POLQ: variants seen among roughly 807,000 people sequenced by gnomAD.
The protein encoded by POLQ is DNA polymerase theta.
Under a neutral mutation model 259.2 loss-of-function variants are expected in POLQ, and 233 were observed. The observed-to-expected ratio is 0.90, with a 90% CI of 0.81 to 1.00. The LOEUF is 1.00. Ranked by LOEUF, POLQ falls within the 50% of genes least tolerant of loss-of-function variation. The probability of loss-of-function intolerance (pLI) is 0.00; values close to 1 mark genes in which losing one functional copy is unlikely to be tolerated. For missense variants in POLQ, 2,871 were observed against 3,051.6 expected (o/e 0.94, Z 1.39); for synonymous variants, 1,025 against 1,048.8 (o/e 0.98, Z 0.44).
rs948810335 is a variant in POLQ, at chr3:121,529,876, G to T, written c.961-84C>A. On this transcript the variant is annotated intron_variant, in intron 6 of 29. Coordinates refer to ENST00000264233, the MANE Select transcript of POLQ (RefSeq NM_199420.4). ...TTTAAAAGCACTCATTTTCCTTTCT[G>T]GGGAAGCTTTTTCTTCTTTAAGGCA... is the stretch of plus-strand genomic sequence containing the variant. The T allele has an allele frequency of 7.7e-6, 8 of 1,036,830 alleles. No individual in the cohort carries two copies. The Admixed American group carries it at 1.8e-4, about 23-fold the overall frequency. The allele number at this position is 1,036,830 out of a possible 1,614,324, so 64.2% of individuals were successfully genotyped here. A position where few individuals can be genotyped will look rare whatever the true frequency, so the allele number is the denominator to read the frequency against.
chr3:121,503,282 T>C (rs1041722414), intron 12 of POLQ, among the ~76,000 whole-genome samples: 2 of 152,226 alleles, frequency 1.3e-5, no homozygotes, highest in African/African-American at 4.8e-5. Flanking sequence ...TAGCAGGCTA[T>C]ACCATCTACA....
chr3:121,451,308 C>T (rs1362281424), intron 25 of POLQ, among the ~76,000 whole-genome samples: 1 of 152,246 alleles, frequency 6.6e-6, no homozygotes, highest in Non-Finnish European at 1.5e-5. Flanking sequence ...ATTCTCCGTC[C>T]AGCTTTGTTC....
At chr3:121,510,009 A>C (rs762743705) in intron 11 of POLQ, 30 bp downstream of exon 11, 1 of 1,537,600 alleles carries the variant, frequency 6.5e-7, no homozygotes, top group Admixed American at 1.7e-5. Flanking sequence ...AGAAAAAGTG[A>C]GTAAATTGCA....
chr3:121,539,635 T>C (rs1468718327), intron 3 of POLQ, 46 bp from the exon 4 acceptor site: 1 of 1,468,560 alleles, frequency 6.8e-7, no homozygotes, highest in Non-Finnish European at 9.5e-7. Flanking sequence ...AACTTGAAAT[T>C]CAAGAGTTAT....
rs746567285 is a variant in POLQ at position 121,476,526 on chromosome 3, C to A, written c.6405+14G>T. The A allele has an allele frequency of 6.9e-6, 11 of 1,592,822 alleles. No individual in the cohort carries two copies. Among genetic ancestry groups the A allele is most frequent in the Non-Finnish European group, 6.9e-6 (8 of 1,163,132 alleles). ...AAAAATTATGTATCTATATCCCTAG[C>A]CCCATGATACAACCTCAGCGATGTC... On this transcript the variant is annotated intron_variant, in intron 20 of 29. Coordinates refer to ENST00000264233, the MANE Select transcript of POLQ (RefSeq NM_199420.4).
At chr3:121,543,051 C>T (rs2048501936) in intron 2 of POLQ, among the ~76,000 whole-genome samples, 1 of 151,888 alleles carries the variant, frequency 6.6e-6, no homozygotes, top group African/African-American at 2.4e-5. Flanking sequence ...GAACTAGTTT[C>T]AAAGCTATTG....
chr3:121,514,345 C>A (rs955470617), intron 9 of POLQ, among the ~76,000 whole-genome samples: 4 of 101,254 alleles, frequency 4.0e-5, no homozygotes, highest in South Asian at 2.9e-4. Context: ...AAAAAAACAA[C>A]AACAACAACA....
intron 19 of POLQ, among the ~76,000 whole-genome samples, chr3:121,477,692 T>C (rs1215438886): frequency 6.6e-6 from 1 of 152,170 alleles, no homozygotes; most frequent in African/African-American, 2.4e-5. Flanking sequence ...GGAAATGCTG[T>C]CCTAAATCAT....
intron 26 of POLQ, among the ~76,000 whole-genome samples, chr3:121,440,794 T>G (rs1261056543): frequency 3.9e-5 from 6 of 152,330 alleles, no homozygotes; most frequent in East Asian, 1.9e-4. Context: ...TCTTTCATCT[T>G]ATCATTCCTA....
At chr3:121,473,561 A>G (rs1482385126) in intron 20 of POLQ, 74 bp from the exon 21 acceptor site, 2 of 1,296,310 alleles carry the variant, frequency 1.5e-6, no homozygotes, top group Admixed American at 2.0e-5. Flanking sequence ...ATTTTAAGTT[A>G]TTTCAGAAAA....
intron 12 of POLQ, among the ~76,000 whole-genome samples, chr3:121,503,549 C>T (rs1427534929): frequency 6.6e-6 from 1 of 152,152 alleles, no homozygotes; most frequent in Non-Finnish European, 1.5e-5. Flanking sequence ...ACTAAAATAA[C>T]ATTCTAAGTC....
chr3:121,449,240 A>T, intron 26 of POLQ, 75 bp downstream of exon 26: 1 of 761,898 alleles, frequency 1.3e-6, no homozygotes, highest in Non-Finnish European at 2.2e-6. Flanking sequence ...TCAAAAGAAA[A>T]TTCCATTACA....
chr3:121,474,933 G>C (rs1418121513), intron 20 of POLQ, among the ~76,000 whole-genome samples: 5 of 152,150 alleles, frequency 3.3e-5, no homozygotes, highest in Non-Finnish European at 5.9e-5. Context: ...ATGATGTTTT[G>C]ATGTAAGTAT....
intron 14 of POLQ, among the ~76,000 whole-genome samples, chr3:121,496,179 A>AT (rs1297114467): frequency 3.2e-5 from 3 of 92,416 alleles, no homozygotes; most frequent in African/African-American, 1.4e-4. Flanking sequence ...ATTAATCAGT[A>AT]CCTTTTTTTT....
intron 24 of POLQ, among the ~76,000 whole-genome samples, chr3:121,465,757 T>C (rs961589267): frequency 6.6e-6 from 1 of 152,212 alleles, no homozygotes; most frequent in African/African-American, 2.4e-5. Flanking sequence ...GTGTGTGTTC[T>C]AACTACTCCA....
chr3:121,513,388 G>A (rs1419773206), intron 9 of POLQ, among the ~76,000 whole-genome samples: 1 of 151,412 alleles, frequency 6.6e-6, no homozygotes, highest in African/African-American at 2.4e-5. Flanking sequence ...CAGATCACGA[G>A]GTCAAGAGAT....
chr3:121,432,254 G>T lies in POLQ; in HGVS notation c.*50C>A. ...AAAGGGTAATCTCTGTTCTTTCCAG[G>T]TGACTGCATCTGCACAGGCTTCCCT... On this transcript the variant is annotated 3_prime_UTR_variant, in exon 30 of 30. Coordinates refer to ENST00000264233, the MANE Select transcript of POLQ (RefSeq NM_199420.4). 1 of 1,527,502 alleles carries T rather than the reference G, an allele frequency of 6.5e-7. No individual in the cohort carries two copies. The highest frequency in any genetic ancestry group is 8.8e-7 in the Non-Finnish European group (1 of 1,139,946). The allele number at this position is 1,527,502 out of a possible 1,614,324, so 94.6% of individuals were successfully genotyped here.
rs1452623853 is a variant in POLQ, at chr3:121,488,754, T to C, written c.4177A>G (p.Lys1393Glu). The change falls in exon 16 of 30, where the codon AAG (lysine) becomes GAG (glutamate). Residue 1393 changes from lysine (K) to glutamate (E), a missense_variant. Physicochemically the swap from Lys to Glu is moderately conservative, Grantham distance 56. Transcript: ENST00000264233. The stretch of plus-strand genomic sequence containing the variant: ...CTTTGTTTCATAGTACCTACAGTCT[T>C]AAGGTCCAAATGATCTATCTTAGTC... ...GATKIDHLDL[K>E]TVGTMKQSSD... 9.9e-6 allele frequency: 16 copies of C among 1,613,916 alleles called. No individual in the cohort carries two copies. The highest frequency in any genetic ancestry group is 1.4e-5 in the Non-Finnish European group (16 of 1,179,858).
chr3:121,539,528 C>T lies in POLQ; in HGVS notation c.536G>A (p.Arg179Lys), dbSNP rs2048475068. 1 of 1,612,512 alleles carries T rather than the reference C, an allele frequency of 6.2e-7. No individual in the cohort carries two copies. Among genetic ancestry groups the T allele is most frequent in the Non-Finnish European group, 8.5e-7 (1 of 1,178,558 alleles). ...DGYMGSTSPS[R>K]HFSSLDIAVC... ...TGCAATATCCAATGAAGAGAAATGC[C>T]TTGATGGAGAGGTGCTGCCCATATA... Residue 179 changes from arginine (R) to lysine (K), a missense_variant, in exon 4 of 30, where the codon AGG becomes AAG. Around this residue, in one of 3 missense-constraint regions of POLQ, gnomAD observed 783 missense variants for 906.2 expected, o/e 0.86. Transcript: ENST00000264233.
Sources: gnomAD v4.1 joint callset for allele counts (sites outside exome capture counted in the v4.1 genomes callset) on GRCh38, gnomAD v4.1.1 for gene constraint, gnomAD v4.1.1 regional missense constraint, MANE v1.5 for transcripts, NCBI Gene and HGNC (gene_info 2026-07-23, HGNC 2026-07-21) for gene names.